The following PACSIN2 variants were observed in gnomAD, a reference collection of about 807,000 sequenced individuals.
PACSIN2 encodes protein kinase C and casein kinase substrate in neurons 2.
PACSIN2 carries 25 observed loss-of-function variants against 63.8 expected under a neutral mutation model. The observed-to-expected ratio is 0.39, with a 90% CI of 0.29 to 0.55. The LOEUF (loss-of-function observed/expected upper bound fraction) is 0.55. Ranked by LOEUF, PACSIN2 falls within the 20% of genes least tolerant of loss-of-function variation. The pLI is 0.62. For missense variants in PACSIN2, 518 were observed against 646.9 expected (o/e 0.80, Z 2.16); for synonymous variants, 255 against 256.2 (o/e 1.00, Z 0.05).
intron 1 of PACSIN2, among the ~76,000 whole-genome samples, chr22:43,012,154 A>AATAAATAAATACATAC (rs766579102): frequency 7.5e-6 from 1 of 133,906 alleles, no homozygotes; most frequent in East Asian, 2.2e-4. Flanking sequence ...AAAATAAATA[A>AATAAATAAATACATAC]ATACATACAT....
intron 1 of PACSIN2, among the ~76,000 whole-genome samples, chr22:43,011,647 C>T (rs763094591): frequency 1.7e-4 from 26 of 152,172 alleles, no homozygotes; most frequent in Non-Finnish European, 2.9e-4. Flanking sequence ...GAGGCCGAGG[C>T]GGGCAGATCA....
chr22:42,986,717 T>C (rs1370630386), intron 1 of PACSIN2, among the ~76,000 whole-genome samples: 1 of 152,052 alleles, frequency 6.6e-6, no homozygotes, highest in Non-Finnish European at 1.5e-5. Context: ...TGCTATGACC[T>C]GAAGACAAAG....
intron 2 of PACSIN2, 101 bp from the exon 3 acceptor site, chr22:42,893,714 G>T: frequency 8.3e-7 from 1 of 1,206,492 alleles, no homozygotes. Flanking sequence ...ATGCGCCCCT[G>T]GGGTCATGTT....
At chr22:42,922,821 G>C (rs556509189) in intron 1 of PACSIN2, among the ~76,000 whole-genome samples, 6 of 152,184 alleles carry the variant, frequency 3.9e-5, no homozygotes, top group African/African-American at 1.4e-4. Context: ...CATCCTACTA[G>C]GGCAGATTGG....
At chr22:42,881,059 A>G (rs1163150575) in intron 7 of PACSIN2, among the ~76,000 whole-genome samples, 1 of 152,164 alleles carries the variant, frequency 6.6e-6, no homozygotes, top group Non-Finnish European at 1.5e-5. Context: ...GCCTCTGTGG[A>G]AGGGGCACAG....
At chr22:42,977,570 G>C (rs1348391419) in intron 1 of PACSIN2, among the ~76,000 whole-genome samples, 1 of 152,136 alleles carries the variant, frequency 6.6e-6, no homozygotes, top group Non-Finnish European at 1.5e-5. Flanking sequence ...ACAACATCTA[G>C]CACTGGTGGA....
intron 1 of PACSIN2, among the ~76,000 whole-genome samples, chr22:43,001,399 C>T (rs1042402672): frequency 1.3e-5 from 2 of 152,208 alleles, no homozygotes; most frequent in African/African-American, 2.4e-5. Context: ...TCTGTAGAAA[C>T]CAGAGCAAAG....
chr22:42,998,990 C>T (rs934046551), intron 1 of PACSIN2, among the ~76,000 whole-genome samples: 1 of 152,176 alleles, frequency 6.6e-6, no homozygotes, highest in African/African-American at 2.4e-5. Flanking sequence ...TGAGAGCCAC[C>T]TCCATCACTC....
chr22:42,884,295 T>C (rs1929304938), intron 6 of PACSIN2, 91 bp downstream of exon 6: 2 of 1,259,614 alleles, frequency 1.6e-6, no homozygotes, highest in Admixed American at 2.0e-5. Context: ...GAACGCGCCA[T>C]CCCAAACCTG....
chr22:42,880,243 C>T (rs569156136), intron 7 of PACSIN2, among the ~76,000 whole-genome samples: 46 of 152,314 alleles, frequency 3.0e-4, no homozygotes, highest in Non-Finnish European at 5.9e-4. Context: ...AAACTGAGGC[C>T]CAGAAAGGCA....
Position 42,876,899 on chromosome 22 carries a change from A to C in PACSIN2, c.1140T>G (p.Thr380=). 6.2e-7 allele frequency: 1 copy of C among 1,614,130 alleles called. No homozygotes were observed. Among genetic ancestry groups the C allele is most frequent in the Non-Finnish European group, 8.5e-7 (1 of 1,180,008 alleles). ...ATTTGTTCACCAACTTTTTGGCCTTAGTGTCGTCCTTCTCACTGACGGTGC... is the reference window on the plus strand; with the variant it reads ...ATTTGTTCACCAACTTTTTGGCCTTCGTGTCGTCCTTCTCACTGACGGTGC... ...TGSTVSEKDD[T]KAKNVSSYEK... Residue 380 remains threonine (T), a synonymous_variant, in exon 9 of 11, where the codon ACT becomes ACG. Coordinates refer to ENST00000263246, the MANE Select transcript of PACSIN2 (RefSeq NM_001184970.3).
At chr22:42,987,900 G>A (rs1922749138) in intron 1 of PACSIN2, among the ~76,000 whole-genome samples, 1 of 152,066 alleles carries the variant, frequency 6.6e-6, no homozygotes, top group South Asian at 2.1e-4. Flanking sequence ...CAGCACTTTG[G>A]GAGGCTGAGG....
intron 4 of PACSIN2, 80 bp downstream of exon 4, chr22:42,890,867 C>A: frequency 8.8e-7 from 1 of 1,137,204 alleles, no homozygotes; most frequent in Non-Finnish European, 1.3e-6. Flanking sequence ...GGCAGGAAGT[C>A]CTAGGTGCAG....
intron 1 of PACSIN2, among the ~76,000 whole-genome samples, chr22:42,923,056 G>A (rs1407750195): frequency 3.9e-5 from 6 of 152,124 alleles, no homozygotes; most frequent in Admixed American, 2.6e-4. Flanking sequence ...CCAACAAAGC[G>A]GAAGCTCACA....
At chr22:42,907,511 C>T (rs1267994464) in intron 2 of PACSIN2, among the ~76,000 whole-genome samples, 1 of 152,254 alleles carries the variant, frequency 6.6e-6, no homozygotes, top group Non-Finnish European at 1.5e-5. Flanking sequence ...TAAGCTGATG[C>T]GCACCCTGTC....
At chr22:42,986,283 A>C (rs1294237248) in intron 1 of PACSIN2, among the ~76,000 whole-genome samples, 1 of 152,194 alleles carries the variant, frequency 6.6e-6, no homozygotes, top group East Asian at 1.9e-4. Context: ...GTCAGCCACG[A>C]CGCTGGGCTG....
chr22:42,936,391 C>T (rs1932919129), intron 1 of PACSIN2, among the ~76,000 whole-genome samples: 1 of 152,112 alleles, frequency 6.6e-6, no homozygotes, highest in Admixed American at 6.5e-5. Context: ...GGAGATGGAG[C>T]AGAATGACCC....
chr22:42,902,633 C>G (rs1372748605), intron 2 of PACSIN2, among the ~76,000 whole-genome samples: 5 of 152,118 alleles, frequency 3.3e-5, no homozygotes, highest in African/African-American at 4.8e-5. Context: ...TGGAGTCTCG[C>G]TCTGTCTTCC....
At chr22:42,956,743 C>G (rs1335568513) in intron 1 of PACSIN2, among the ~76,000 whole-genome samples, 1 of 152,108 alleles carries the variant, frequency 6.6e-6, no homozygotes, top group Non-Finnish European at 1.5e-5. Flanking sequence ...TCTAAGCCAA[C>G]AGCAGCCCCA....
Sources: allele counts gnomAD v4.1 joint callset (sites outside exome capture counted in the v4.1 genomes callset), GRCh38; gene constraint gnomAD v4.1.1; transcripts MANE v1.5; gene names NCBI Gene and HGNC (gene_info 2026-07-23, HGNC 2026-07-21).